The following TCERG1 variants were observed in gnomAD, a reference collection of about 807,000 sequenced individuals.
The protein encoded by TCERG1 is TATA box binding protein (TBP)-associated factor, RNA polymerase II, S, 150kD.
In TCERG1, 37 loss-of-function variants were observed where a neutral mutation model predicts 144.7. The observed-to-expected ratio is 0.26, with a 90% CI of 0.20 to 0.34. The LOEUF is 0.34. Ranked by LOEUF, TCERG1 falls within the 10% of genes least tolerant of loss-of-function variation. The pLI, the probability that TCERG1 is intolerant of heterozygous loss-of-function variation, is 1.00. For missense variants in TCERG1, 1,027 were observed against 1,380.7 expected, an observed-to-expected ratio of 0.74 and a Z score of 4.06; for synonymous variants, 492 against 458.2, an observed-to-expected ratio of 1.07 and a Z score of -0.94.
intron 9 of TCERG1, among the ~76,000 whole-genome samples, chr5:146,476,373 C>T (rs1210629112): frequency 1.3e-5 from 2 of 152,160 alleles, no homozygotes; most frequent in Non-Finnish European, 2.9e-5. Flanking sequence ...TTGCTTTTCT[C>T]AGACATGTCA....
chr5:146,485,245 A>G (rs1462662558), intron 15 of TCERG1, among the ~76,000 whole-genome samples: 3 of 152,184 alleles, frequency 2.0e-5, no homozygotes, highest in African/African-American at 7.2e-5. Context: ...GCTTCATTTC[A>G]TTAAGGTACT....
chr5:146,493,262 A>G (rs1270385028), intron 16 of TCERG1, among the ~76,000 whole-genome samples: 1 of 151,984 alleles, frequency 6.6e-6, no homozygotes, highest in Non-Finnish European at 1.5e-5. Context: ...GTGCTTCCCT[A>G]TGGGAATAAG....
intron 9 of TCERG1, among the ~76,000 whole-genome samples, chr5:146,473,514 G>A (rs1324349586): frequency 1.3e-5 from 2 of 152,154 alleles, no homozygotes; most frequent in South Asian, 2.1e-4. Flanking sequence ...CAGTGTAGAC[G>A]AAACAGCCTT....
At position 146,481,878 on chromosome 5, in the gene TCERG1, A is replaced by G. The variant is rs1238355224; in HGVS notation, c.1937+678A>G. On this transcript the variant is annotated intron_variant, in intron 13 of 22. Coordinates refer to ENST00000679501, the MANE Select transcript of TCERG1 (RefSeq NM_001382548.1). ...AGGGTTGCCCTTACACCTGAGGTGC[A>G]TTTTTGGAGGAACAAGAAGTAGTTT... 3.3e-5 allele frequency: 5 copies of G among 152,104 alleles called. No individual in the cohort carries two copies. In the East Asian group the frequency reaches 9.6e-4, roughly 29 times the overall value. The allele number at this position is 152,104 out of a possible 1,614,324, so 9.4% of individuals were successfully genotyped here.
intron 19 of TCERG1, 128 bp from the exon 20 acceptor site, chr5:146,506,900 C>G (rs1768052845): frequency 1.5e-6 from 1 of 659,014 alleles, no homozygotes; most frequent in Non-Finnish European, 2.4e-6. Flanking sequence ...ATCCATGTAT[C>G]TGTTGATAGA....
rs760048686 is a variant in TCERG1, at chr5:146,503,914, C to T, written c.2689C>T (p.Arg897Cys). Residue 897 changes from arginine (R) to cysteine (C), a missense_variant, in exon 19 of 23, where the codon CGT (arginine) becomes TGT (cysteine). By Grantham distance (180) the Arg-to-Cys change is radical. This residue lies in a region of TCERG1 where 133 missense variants were observed against 283.2 expected (regional missense o/e 0.47). Coordinates refer to ENST00000679501, the MANE Select transcript of TCERG1 (RefSeq NM_001382548.1). ...ACGAGAAAGGGAGGTTCAAAAGGCCCGTTCAGAACAAACAAAAGAAATAGA... is the reference window on the plus strand; with the variant it reads ...ACGAGAAAGGGAGGTTCAAAAGGCCTGTTCAGAACAAACAAAAGAAATAGA... Reference protein sequence around the residue: ...REREREVQKARSEQTKEIDRE... With the variant: ...REREREVQKACSEQTKEIDRE... 1.2e-6 allele frequency: 2 copies of T among 1,613,012 alleles called. No individual in the cohort carries two copies. Among genetic ancestry groups the T allele is most frequent in the Non-Finnish European group, 1.7e-6 (2 of 1,179,620 alleles).
At chr5:146,473,068 C>T (rs1267408741) in intron 9 of TCERG1, among the ~76,000 whole-genome samples, 2 of 152,180 alleles carry the variant, frequency 1.3e-5, no homozygotes, top group African/African-American at 2.4e-5. Flanking sequence ...GTAAGGAAGG[C>T]ATGTCAAAAG....
At position 146,463,669 on chromosome 5, in the gene TCERG1, T is replaced by A. The variant is rs1763531596; in HGVS notation, c.1011T>A (p.Pro337=). Residue 337 remains proline (P), a synonymous_variant, in exon 5 of 23, where the codon CCT becomes CCA. Transcript: ENST00000679501. ...TGCAAACCGTTCCCCAGCCGCACCCTCAGACGTTACCTCCTGCTGTTCCTC... is the reference window on the plus strand; with the variant it reads ...TGCAAACCGTTCCCCAGCCGCACCCACAGACGTTACCTCCTGCTGTTCCTC... The part of the protein sequence containing the change: ...TPVQTVPQPH[P]QTLPPAVPHS... 6.2e-7 allele frequency: 1 copy of A among 1,614,194 alleles called. No individual in the cohort carries two copies. Among genetic ancestry groups the A allele is most frequent in the East Asian group, 2.2e-5 (1 of 44,882 alleles).
chr5:146,468,685 CA>C (rs1313944475), intron 6 of TCERG1, among the ~76,000 whole-genome samples: 1 of 152,018 alleles, frequency 6.6e-6, no homozygotes, highest in African/African-American at 2.4e-5. Flanking sequence ...ATATTCATAA[CA>C]TTTAATTTTA....
intron 15 of TCERG1, among the ~76,000 whole-genome samples, chr5:146,489,174 C>T (rs957028171): frequency 4.6e-5 from 7 of 152,034 alleles, no homozygotes; most frequent in African/African-American, 1.7e-4. Flanking sequence ...TAAGTAGTTT[C>T]GAGTAGCCAG....
intron 6 of TCERG1, among the ~76,000 whole-genome samples, chr5:146,468,706 TGTG>T (rs894344472): frequency 9.2e-5 from 14 of 152,194 alleles, no homozygotes; most frequent in African/African-American, 3.4e-4. Flanking sequence ...ATTTTTGATG[TGTG>T]TTTTTAAGTT....
At chr5:146,509,919 G>C in intron 22 of TCERG1, 1 of 422,386 alleles carries the variant, frequency 2.4e-6, no homozygotes, top group East Asian at 8.4e-5. Context: ...TTAATAAAGG[G>C]TATGTGCACG....
chr5:146,469,739 A>G lies in TCERG1; in HGVS notation c.1394A>G (p.Glu465Gly), dbSNP rs1326843148. The G allele has an allele frequency of 5.0e-6, 8 of 1,596,222 alleles. No homozygotes were observed. The highest frequency in any genetic ancestry group is 6.0e-6 in the Non-Finnish European group (7 of 1,170,870). Residue 465 changes from glutamate to glycine, a missense_variant, in exon 7 of 23, where the codon GAA becomes GGA. By Grantham distance (98) the Glu-to-Gly change is moderately conservative (BLOSUM62 -2). Transcript: ENST00000679501. ...TGGGAAAAACCCCAAGAACTAAAGG[A>G]AAAAGGTATATAGTGGTTTTAATGA... The part of the protein sequence containing the change: ...STWEKPQELK[E>G]KEKLEEKIKE...
intron 4 of TCERG1, 43 bp downstream of exon 4, chr5:146,459,380 C>A (rs760849269): frequency 1.3e-6 from 2 of 1,585,936 alleles, no homozygotes; most frequent in South Asian, 1.2e-5. Context: ...GGGCTAGAGA[C>A]ATGAACAAGT....
At chr5:146,496,810 G>A (rs1392913853) in intron 16 of TCERG1, among the ~76,000 whole-genome samples, 7 of 150,704 alleles carry the variant, frequency 4.6e-5, no homozygotes, top group African/African-American at 9.8e-5. Flanking sequence ...GAATATATGC[G>A]TGTGCCACCA....
intron 5 of TCERG1, among the ~76,000 whole-genome samples, chr5:146,468,107 G>A (rs1180557103): frequency 6.6e-6 from 1 of 152,170 alleles, no homozygotes; most frequent in African/African-American, 2.4e-5. Context: ...CCTTCAATAT[G>A]TTCAGAGCTG....
intron 13 of TCERG1, 106 bp downstream of exon 13, chr5:146,481,306 C>A: frequency 2.1e-6 from 1 of 475,082 alleles, no homozygotes; most frequent in South Asian, 9.0e-5. Context: ...TAGTATAGTT[C>A]TATAAAGGTT....
At chr5:146,470,494 T>G (rs1183372471) in intron 7 of TCERG1, 142 bp from the exon 8 acceptor site, 1 of 671,882 alleles carries the variant, frequency 1.5e-6, no homozygotes, top group Non-Finnish European at 2.4e-6. Flanking sequence ...TTACATAAGA[T>G]TCAAATCAAA....
At chr5:146,475,311 C>G (rs1764731442) in intron 9 of TCERG1, among the ~76,000 whole-genome samples, 1 of 152,112 alleles carries the variant, frequency 6.6e-6, no homozygotes, top group African/African-American at 2.4e-5. Flanking sequence ...ATCTTTTTGG[C>G]AAGCCTAGTT....
Sources: allele counts gnomAD v4.1 joint callset (sites outside exome capture counted in the v4.1 genomes callset), GRCh38; gene constraint gnomAD v4.1.1; regional missense constraint gnomAD v4.1.1; transcripts MANE v1.5; gene names NCBI Gene and HGNC (gene_info 2026-07-23, HGNC 2026-07-21).